TBX5: variants seen among roughly 807,000 people sequenced by gnomAD.
TBX5 encodes T-box transcription factor 5, also known as T-box transcription factor TBX5.
A neutral mutation model predicts 51.1 loss-of-function variants in TBX5; 8 were observed. That is an observed-to-expected ratio of 0.16 (90% CI 0.09 to 0.28). TBX5 has a LOEUF of 0.28. Ranked by LOEUF, TBX5 falls within the 10% of genes least tolerant of loss-of-function variation. TBX5 has a pLI of 1.00. For missense variants in TBX5, 589 were observed against 671.7 expected (o/e 0.88, Z 1.36); for synonymous variants, 302 against 266.4 (o/e 1.13, Z -1.30).
intron 2 of TBX5, among the ~76,000 whole-genome samples, chr12:114,402,450 C>A (rs908556820): frequency 6.6e-6 from 1 of 152,310 alleles, no homozygotes; most frequent in African/African-American, 2.4e-5. Context: ...TGTGCAAATA[C>A]TTGCTTATTC....
upstream of TBX5, chr12:114,408,370 G>A (rs1247591420): frequency 7.9e-6 from 2 of 252,174 alleles, no homozygotes; most frequent in South Asian, 1.5e-4. Flanking sequence ...AGGGAGGTGG[G>A]AGTCCACCTC....
At chr12:114,393,443 G>A (rs570275373) in intron 6 of TBX5, among the ~76,000 whole-genome samples, 3 of 152,096 alleles carry the variant, frequency 2.0e-5, no homozygotes, top group Non-Finnish European at 4.4e-5. Context: ...AGCACCTATT[G>A]CTCGCCTCTC....
chr12:114,371,754 G>A (rs1448270049), intron 7 of TBX5, among the ~76,000 whole-genome samples: 3 of 152,000 alleles, frequency 2.0e-5, no homozygotes, highest in African/African-American at 7.3e-5. Flanking sequence ...AAATTAAAAA[G>A]GGGGCCACAT....
chr12:114,387,594 CATT>C (rs995896338), intron 6 of TBX5, among the ~76,000 whole-genome samples: 10 of 152,134 alleles, frequency 6.6e-5, no homozygotes, highest in African/African-American at 2.4e-4. Context: ...AGGTACACAT[CATT>C]ATGTATTTGT....
At chr12:114,367,534 T>G (rs1440021935) in intron 7 of TBX5, among the ~76,000 whole-genome samples, 3 of 152,128 alleles carry the variant, frequency 2.0e-5, no homozygotes, top group Non-Finnish European at 4.4e-5. Context: ...CCATTTTTTT[T>G]CCTCAGAAGG....
chr12:114,404,244 C>G (rs1273970583), intron 1 of TBX5, among the ~76,000 whole-genome samples: 1 of 152,108 alleles, frequency 6.6e-6, no homozygotes, highest in Non-Finnish European at 1.5e-5. Context: ...GCAAGCTGCC[C>G]GTCAAATTTG....
At chr12:114,379,366 T>C (rs200226133) in intron 7 of TBX5, among the ~76,000 whole-genome samples, 2 of 152,206 alleles carry the variant, frequency 1.3e-5, no homozygotes, top group East Asian at 3.9e-4. Context: ...TTTGATGGTC[T>C]GGGAGCTCTT....
intron 6 of TBX5, among the ~76,000 whole-genome samples, chr12:114,391,576 C>T (rs1293724265): frequency 1.3e-5 from 2 of 152,130 alleles, no homozygotes; most frequent in East Asian, 3.9e-4. Flanking sequence ...CTTATTATCC[C>T]CATTTTACAG....
Position 114,354,012 on chromosome 12 carries a change from C to T in TBX5, c.*1520G>A, listed in dbSNP as rs183595902. ...CGAGTACTTAATCCTCACCCTCCCC[C>T]CTTAGCAACGTAAAGAGACATAATC... On this transcript the variant is annotated 3_prime_UTR_variant, in exon 9 of 9. Transcript: ENST00000405440. 6 of 152,582 alleles carry T rather than the reference C, an allele frequency of 3.9e-5. No individual in the cohort carries two copies. Among genetic ancestry groups the T allele is most frequent in the Admixed American group, 2.6e-4 (4 of 15,268 alleles). The allele number at this position is 152,582 out of a possible 1,614,324, so 9.5% of individuals were successfully genotyped here. A position where few individuals can be genotyped will look rare whatever the true frequency, so the allele number is the denominator to read the frequency against.
intron 5 of TBX5, among the ~76,000 whole-genome samples, chr12:114,396,698 C>G (rs1196438424): frequency 1.3e-5 from 2 of 152,140 alleles, no homozygotes; most frequent in Non-Finnish European, 2.9e-5. Flanking sequence ...ACGCAGGACC[C>G]CACCCAAGGG....
intron 4 of TBX5, 82 bp downstream of exon 4, chr12:114,399,431 T>G: frequency 6.3e-7 from 1 of 1,584,060 alleles, no homozygotes; most frequent in South Asian, 1.1e-5. Flanking sequence ...AAAAAAAAAG[T>G]TCACTGATAC....
chr12:114,370,482 C>A (rs1182482418), intron 7 of TBX5, among the ~76,000 whole-genome samples: 2 of 152,120 alleles, frequency 1.3e-5, no homozygotes, highest in East Asian at 3.9e-4. Flanking sequence ...TTAAAAAAAG[C>A]ACACACACAG....
Position 114,398,650 on chromosome 12 carries a change from C to T in TBX5, c.433G>A (p.Gly145Arg), listed in dbSNP as rs1555226320. 1 of 1,613,366 alleles carries T rather than the reference C, an allele frequency of 6.2e-7. No individual in the cohort carries two copies. Among genetic ancestry groups the T allele is most frequent in the Non-Finnish European group, 8.5e-7 (1 of 1,179,792 alleles). The change falls in exon 5 of 9, where the codon GGG becomes AGG. Residue 145 changes from glycine (G) to arginine (R), a missense_variant. Around this residue, in one of 7 missense-constraint regions of TBX5, gnomAD observed 85 missense variants for 95.6 expected, o/e 0.89. Coordinates refer to ENST00000405440, the MANE Select transcript of TBX5 (RefSeq NM_181486.4). ...LYVHPDSPATGAHWMRQLVSF... is the reference protein window; with the variant it reads ...LYVHPDSPATRAHWMRQLVSF... ...ACGAGCTGCCTCATCCAATGCGCCC[C>T]GGTGGCGGGGGAGTCTGGGTGCACG...
chr12:114,378,982 A>T (rs1447383154), intron 7 of TBX5, among the ~76,000 whole-genome samples: 1 of 152,164 alleles, frequency 6.6e-6, no homozygotes. Flanking sequence ...TTCCGTGAGA[A>T]AGTCTGAACA....
chr12:114,395,968 A>G (rs995547270), intron 5 of TBX5, among the ~76,000 whole-genome samples: 1 of 152,078 alleles, frequency 6.6e-6, no homozygotes, highest in Non-Finnish European at 1.5e-5. Context: ...ACACATCCCC[A>G]CCGAACTTGC....
rs373466677 is a variant in TBX5, at chr12:114,396,250, C to G, written c.511-1357G>C. ...GGCCGCCGTGGCCCGGCCGCCTCCC[C>G]GGCCGATAGCGACGCCGACCGGGGC... is the stretch of plus-strand genomic sequence containing the variant. On this transcript the variant is annotated intron_variant, in intron 5 of 8. Coordinates refer to ENST00000405440, the MANE Select transcript of TBX5 (RefSeq NM_181486.4). 2.6e-5 allele frequency among the ~76,000 whole-genome samples: 4 copies of G among 151,682 alleles called. No individual in the cohort carries two copies. In the East Asian group the frequency reaches 7.9e-4, roughly 30 times the overall value.
chr12:114,404,537 T>G (rs780754957), intron 1 of TBX5, among the ~76,000 whole-genome samples: 1 of 152,200 alleles, frequency 6.6e-6, no homozygotes, highest in Non-Finnish European at 1.5e-5. Context: ...AGAATTCATA[T>G]ACACCTTTTA....
At chr12:114,394,647 CA>C in intron 6 of TBX5, 93 bp downstream of exon 6, 1 of 1,573,314 alleles carries the variant, frequency 6.4e-7, no homozygotes, top group Non-Finnish European at 8.7e-7. Context: ...TGCTGCCATT[CA>C]GAGGAGCAAA....
In TBX5 at chr12:114,356,527, T is replaced by C. The variant is rs190811260; in HGVS notation, c.983-421A>G. On this transcript the variant is annotated intron_variant, in intron 8 of 8. Coordinates refer to ENST00000405440, the MANE Select transcript of TBX5 (RefSeq NM_181486.4). ...AAAGGATCACTTGAGCCCAGGAGTT[T>C]GAGACCAGCCTGGGCAACATAGTGA... is the stretch of plus-strand genomic sequence containing the variant. 6.0e-4 allele frequency among the ~76,000 whole-genome samples: 91 copies of C among 152,184 alleles called. No homozygotes were observed. In the Middle Eastern group the frequency reaches 0.01, roughly 17 times the overall value.
Sources: allele counts gnomAD v4.1 joint callset (sites outside exome capture counted in the v4.1 genomes callset), GRCh38; gene constraint gnomAD v4.1.1; regional missense constraint gnomAD v4.1.1; transcripts MANE v1.5; gene names NCBI Gene and HGNC (gene_info 2026-07-23, HGNC 2026-07-21).